Variants in C8orf89 observed in about 807,000 individuals in gnomAD.
C8orf89 encodes the protein chromosome 8 open reading frame 89, also known as putative uncharacterized protein C8orf89.
C8orf89 carries 14 observed loss-of-function variants against 15.8 expected under a neutral mutation model. The ratio of observed to expected loss-of-function variants is 0.89; its 90% CI spans 0.59 to 1.39. The LOEUF is 1.39. Among genes scored for constraint, C8orf89 ranks in the 40% most tolerant of loss-of-function variants. The probability of loss-of-function intolerance (pLI) is 0.00; values close to 1 mark genes in which losing one functional copy is unlikely to be tolerated. For synonymous variants in C8orf89, 55 were observed against 62.2 expected (o/e 0.88, Z 0.54); for missense variants, 181 against 184.5 (o/e 0.98, Z 0.11).
intron 1 of C8orf89, 33 bp downstream of exon 1, chr8:73,259,299 T>C: frequency 1.5e-6 from 2 of 1,378,404 alleles, no homozygotes; most frequent in Non-Finnish European, 1.9e-6. Context: ...TATTTCTATG[T>C]TTTCTTAAGG....
chr8:73,255,930 A>G (rs1257613627), intron 2 of C8orf89, among the ~76,000 whole-genome samples: 1 of 132,550 alleles, frequency 7.5e-6, no homozygotes, highest in African/African-American at 2.8e-5. Flanking sequence ...GGACACAGGA[A>G]GGGGAACATC....
At chr8:73,243,622 C>T (rs1156475381) in intron 3 of C8orf89, among the ~76,000 whole-genome samples, 1 of 152,068 alleles carries the variant, frequency 6.6e-6, no homozygotes, top group East Asian at 1.9e-4. Context: ...CTCCACTTCC[C>T]GGGTTCAAGT....
chr8:73,269,353 T>A, the C8orf89 span, among the ~76,000 whole-genome samples: 136 of 152,308 alleles, frequency 8.9e-4, no homozygotes, highest in African/African-American at 3.1e-3. Flanking sequence ...GACAATAAGT[T>A]TTTGCTCTCC....
the C8orf89 span, among the ~76,000 whole-genome samples, chr8:73,267,952 T>C: frequency 6.6e-6 from 1 of 152,184 alleles, no homozygotes; most frequent in Non-Finnish European, 1.5e-5. Flanking sequence ...ATAGCATTCT[T>C]GCCAGAAAAA....
the C8orf89 span, among the ~76,000 whole-genome samples, chr8:73,271,923 A>G: frequency 1.3e-5 from 2 of 152,218 alleles, no homozygotes; most frequent in Admixed American, 6.5e-5. Context: ...GAGCCAAACC[A>G]TATAACCTAG....
chr8:73,268,304 C>G, the C8orf89 span, among the ~76,000 whole-genome samples: 4 of 151,798 alleles, frequency 2.6e-5, no homozygotes, highest in Non-Finnish European at 5.9e-5. Context: ...ATGGTGAGAC[C>G]CTGTCTCTAC....
the C8orf89 span, among the ~76,000 whole-genome samples, chr8:73,275,070 G>A: frequency 9.9e-5 from 15 of 152,018 alleles, no homozygotes; most frequent in African/African-American, 3.6e-4. Context: ...ACCTAAAATT[G>A]GATTCACTGG....
Position 73,256,972 on chromosome 8 carries a change from C to A in C8orf89, c.281+1G>T, listed in dbSNP as rs80304377. On this transcript the variant is annotated splice_donor_variant, in intron 2 of 3. Coordinates refer to ENST00000624510, the MANE Select transcript of C8orf89 (RefSeq NM_001243237.3). LOFTEE classifies it high-confidence loss of function. ...ATGAGAATTAAATAGCAATGATCTA[C>A]CTGACTGCAGACACCTCGGCATCAG... 3.0e-3 allele frequency: 4,663 copies of A among 1,531,056 alleles called. 119 individuals carry two copies. In the African/African-American group the frequency reaches 0.056, roughly 18 times the overall value. The allele number at this position is 1,531,056 out of a possible 1,614,324, so 94.8% of individuals were successfully genotyped here. A position where few individuals can be genotyped will look rare whatever the true frequency, so the allele number is the denominator to read the frequency against.
the C8orf89 span, among the ~76,000 whole-genome samples, chr8:73,285,492 G>T: frequency 1.3e-5 from 2 of 152,170 alleles, no homozygotes; most frequent in African/African-American, 4.8e-5. Context: ...TTCGTGGGAG[G>T]GAGTGGGACT....
chr8:73,280,104 A>T, the C8orf89 span, among the ~76,000 whole-genome samples: 13 of 152,250 alleles, frequency 8.5e-5, no homozygotes, highest in African/African-American at 2.7e-4. Context: ...TTATGAAGCC[A>T]TAGTAACTGA....
At chr8:73,275,228 GTTC>G in the C8orf89 span, among the ~76,000 whole-genome samples, 33 of 117,768 alleles carry the variant, frequency 2.8e-4, no homozygotes, top group African/African-American at 8.1e-4. Context: ...ACTTGTAATA[GTTC>G]TTTTTTTTTT....
the C8orf89 span, among the ~76,000 whole-genome samples, chr8:73,271,457 C>T: frequency 6.6e-6 from 1 of 152,098 alleles, no homozygotes; most frequent in African/African-American, 2.4e-5. Flanking sequence ...CAGGATGCCC[C>T]TTGGGTTAGG....
At chr8:73,259,569 A>G (rs1173797950), upstream of C8orf89, 2 of 618,600 alleles carry the variant, frequency 3.2e-6, no homozygotes, top group African/African-American at 1.9e-5. Flanking sequence ...ATGTGTCATA[A>G]TGTTTCTCTT....
chr8:73,261,604 A>G (rs767019463), upstream of C8orf89, among the ~76,000 whole-genome samples: 19 of 152,220 alleles, frequency 1.2e-4, no homozygotes, highest in Non-Finnish European at 7.3e-5. Flanking sequence ...GTGAGAAATT[A>G]GTTAAAAATA....
At chr8:73,246,999 T>C (rs1476646409) in intron 3 of C8orf89, among the ~76,000 whole-genome samples, 3 of 152,370 alleles carry the variant, frequency 2.0e-5, no homozygotes, top group Non-Finnish European at 4.4e-5. Flanking sequence ...AGTATGATTA[T>C]GATAAAAATT....
At chr8:73,258,506 G>A (rs770989438) in intron 1 of C8orf89, among the ~76,000 whole-genome samples, 1 of 151,912 alleles carries the variant, frequency 6.6e-6, no homozygotes, top group Non-Finnish European at 1.5e-5. Flanking sequence ...TGAAAGTAAG[G>A]GGGAATAACT....
the C8orf89 span, among the ~76,000 whole-genome samples, chr8:73,277,138 G>A: frequency 6.6e-6 from 1 of 152,068 alleles, no homozygotes; most frequent in African/African-American, 2.4e-5. Flanking sequence ...AAATCTTCCA[G>A]GGTTTAGCTT....
chr8:73,246,559 A>G (rs1813128261), intron 3 of C8orf89, among the ~76,000 whole-genome samples: 1 of 152,184 alleles, frequency 6.6e-6, no homozygotes, highest in Admixed American at 6.5e-5. Context: ...TTGTATTTTT[A>G]GTAGAGACGG....
chr8:73,249,424 C>T lies in C8orf89; in HGVS notation c.337+844G>A, dbSNP rs181210288. ...TGCATATTTCGGTATCAGGATGATG[C>T]TTGTCTCATAGAATGAGTTACAGAG... On this transcript the variant is annotated intron_variant, in intron 3 of 3. Coordinates refer to ENST00000624510, the MANE Select transcript of C8orf89 (RefSeq NM_001243237.3). Among the ~76,000 whole-genome samples the T allele has an allele frequency of 2.0e-3, 309 of 152,198 alleles. 1 individual carries two copies. The highest frequency in any genetic ancestry group is 7.3e-3 in the African/African-American group (304 of 41,540).
Sources: allele counts gnomAD v4.1 joint callset (sites outside exome capture counted in the v4.1 genomes callset), GRCh38; gene constraint gnomAD v4.1.1; transcripts MANE v1.5; gene names NCBI Gene and HGNC (gene_info 2026-07-23, HGNC 2026-07-21).